The following ADA2 variants were observed in gnomAD, a reference collection of about 807,000 sequenced individuals.
The protein encoded by ADA2 is adenosine deaminase 2.
A neutral mutation model predicts 44.2 loss-of-function variants in ADA2; 29 were observed. The observed-to-expected ratio is 0.66, with a 90% CI of 0.49 to 0.89. The LOEUF is 0.89. Among genes scored for constraint, ADA2 ranks in the 40% least tolerant of loss-of-function variants. ADA2 has a pLI of 0.00. For missense variants in ADA2, 637 were observed against 644.8 expected, an observed-to-expected ratio of 0.99 and a Z score of 0.13; for synonymous variants, 215 against 234.9, an observed-to-expected ratio of 0.92 and a Z score of 0.77.
In ADA2 at chr22:17,190,025, C is replaced by G; in HGVS notation, c.889G>C (p.Asp297His). Residue 297 changes from aspartate to histidine, a missense_variant, in exon 6 of 10, where the codon GAT becomes CAT. Transcript: ENST00000399837. Reference sequence around the variant, plus strand: ...ATGGATTCTGCGATGACAGCCACATCTTTGGATCTGTGAGACAGACAGAGA... The same window carrying G: ...ATGGATTCTGCGATGACAGCCACATGTTTGGATCTGTGAGACAGACAGAGA... ...KIIYSDHRSKDVAVIAESIRM... is the reference protein window; with the variant it reads ...KIIYSDHRSKHVAVIAESIRM... 1 of 1,613,068 alleles carries G rather than the reference C, an allele frequency of 6.2e-7. No homozygotes were observed. The highest frequency in any genetic ancestry group is 8.5e-7 in the Non-Finnish European group (1 of 1,179,052).
Position 17,192,937 on chromosome 22 carries a change from T to C in ADA2, c.754-1127A>G, listed in dbSNP as rs2062139060. 5 of 582,908 alleles carry C rather than the reference T, an allele frequency of 8.6e-6. No individual in the cohort carries two copies. In the Admixed American group the frequency reaches 8.6e-5, roughly 10 times the overall value. 36.1% of individuals were successfully genotyped at this position (582,908 alleles called of 1,614,324 possible). ...CCCTCAGACCCCTTGTGAAGCCTGA[T>C]TGTCAAAAAGAGAACCAAAAAGTTC... On this transcript the variant is annotated intron_variant, in intron 4 of 9. Coordinates refer to ENST00000399837, the MANE Select transcript of ADA2 (RefSeq NM_001282225.2).
chr22:17,200,882 CAA>C (rs3078427), intron 4 of ADA2, among the ~76,000 whole-genome samples: 54 of 119,274 alleles, frequency 4.5e-4, no homozygotes, highest in Admixed American at 1.1e-3. Flanking sequence ...AACTCTGCCT[CAA>C]AAAAAAAAAA....
intron 4 of ADA2, chr22:17,199,399 G>C: frequency 4.6e-6 from 1 of 216,866 alleles, no homozygotes; most frequent in Non-Finnish European, 7.8e-6. Context: ...CAAGATGAAA[G>C]CCTCTGTCTC....
chr22:17,200,953 A>C (rs2062276310), intron 4 of ADA2, among the ~76,000 whole-genome samples: 1 of 151,548 alleles, frequency 6.6e-6, no homozygotes, highest in Non-Finnish European at 1.5e-5. Context: ...GAGAGTTGAG[A>C]CCCACAAACT....
chr22:17,196,104 T>TG (rs1024620712), intron 4 of ADA2, among the ~76,000 whole-genome samples: 6 of 149,976 alleles, frequency 4.0e-5, no homozygotes, highest in Non-Finnish European at 7.4e-5. Flanking sequence ...CCCAGCACTT[T>TG]GGGGGGCCAA....
upstream of ADA2, among the ~76,000 whole-genome samples, chr22:17,221,072 G>C (rs532915308): frequency 1.6e-4 from 24 of 152,180 alleles, no homozygotes; most frequent in South Asian, 5.0e-3. Context: ...GAACCCTGGA[G>C]GTGGAGGTTG....
rs933862526 is a variant in ADA2 at position 17,210,870 on chromosome 22, G to A, written c.-46-1147C>T. Among the ~76,000 whole-genome samples, 11 of 152,094 alleles carry A rather than the reference G, an allele frequency of 7.2e-5. No homozygotes were observed. In the East Asian group the frequency reaches 1.2e-3, roughly 16 times the overall value. ...CCCAAAGTGCTGGGACTACAGGCAT[G>A]AGCCAACATGTCCAGCCAGTGTTTT... On this transcript the variant is annotated intron_variant, in intron 1 of 9. Coordinates refer to ENST00000399837, the MANE Select transcript of ADA2 (RefSeq NM_001282225.2).
At chr22:17,207,403 G>A (rs907615652) in intron 2 of ADA2, 113 bp from the exon 3 acceptor site, 1 of 719,032 alleles carries the variant, frequency 1.4e-6, no homozygotes, top group Admixed American at 2.7e-5. Context: ...TGGGGCTGTG[G>A]GGACAAAGGG....
intron 3 of ADA2, among the ~76,000 whole-genome samples, chr22:17,203,974 G>A (rs2062323333): frequency 6.6e-6 from 1 of 152,030 alleles, no homozygotes; most frequent in South Asian, 2.1e-4. Flanking sequence ...GCAGCCCACT[G>A]CCTGCTTAAA....
At chr22:17,191,345 A>T (rs1390977315) in intron 5 of ADA2, among the ~76,000 whole-genome samples, 2 of 152,244 alleles carry the variant, frequency 1.3e-5, no homozygotes, top group Non-Finnish European at 2.9e-5. Flanking sequence ...AAACGGGCCA[A>T]TTATCCAAAC....
Position 17,182,725 on chromosome 22 carries a change from T to A in ADA2, c.1118A>T (p.Asp373Val), listed in dbSNP as rs375443506. 5.0e-6 allele frequency: 8 copies of A among 1,613,698 alleles called. No individual in the cohort carries two copies. The highest frequency in any genetic ancestry group is 1.3e-5 in the African/African-American group (1 of 74,878). ...QGTSIDRNIL[D>V]ALMLNTTRIG... ...TCTGGTAGTGTTCAGCATCAGAGCA[T>A]CCAGAATGTTCCTGTCTATGGAAGT... is the stretch of plus-strand genomic sequence containing the variant. The change falls in exon 8 of 10, where the codon GAT (aspartate) becomes GTT (valine). Residue 373 changes from aspartate (D) to valine (V), a missense_variant. Physicochemically the swap from Asp to Val is radical, Grantham distance 152. Transcript: ENST00000399837.
intron 5 of ADA2, among the ~76,000 whole-genome samples, chr22:17,190,365 G>A (rs1482900858): frequency 6.6e-6 from 1 of 152,174 alleles, no homozygotes; most frequent in East Asian, 1.9e-4. Flanking sequence ...AGCTCTCCCT[G>A]CATCTCTGTC....
chr22:17,189,356 G>A (rs2062085644), intron 6 of ADA2, among the ~76,000 whole-genome samples: 1 of 152,114 alleles, frequency 6.6e-6, no homozygotes, highest in Admixed American at 6.6e-5. Flanking sequence ...GAAATGTCCT[G>A]GTTGTGCTTC....
rs139290346 is a variant in ADA2 at position 17,209,598 on chromosome 22, G to T, written c.80C>A (p.Ala27Asp). ...LAVAMSFFGS[A>D]LSIDETRAHL... Reference sequence around the variant, plus strand: ...CGCCCGTGTTTCATCTATGGATAGAGCTGAGCCGAAGAAAGACATTGCCAC... The same window carrying T: ...CGCCCGTGTTTCATCTATGGATAGATCTGAGCCGAAGAAAGACATTGCCAC... Residue 27 changes from alanine (A) to aspartate (D), a missense_variant, in exon 2 of 10, where the codon GCT (alanine) becomes GAT (aspartate). Coordinates refer to ENST00000399837, the MANE Select transcript of ADA2 (RefSeq NM_001282225.2). 6 of 1,614,014 alleles carry T rather than the reference G, an allele frequency of 3.7e-6. No individual in the cohort carries two copies. In the African/African-American group the frequency reaches 8.0e-5, roughly 22 times the overall value.
At chr22:17,193,198 A>G (rs1399509345) in intron 4 of ADA2, 13 of 1,270,378 alleles carry the variant, frequency 1.0e-5, no homozygotes, top group Middle Eastern at 2.7e-4. Context: ...CTGTGCTGAC[A>G]TCGCTCACAA....
At chr22:17,204,791 C>T (rs2062334842) in intron 3 of ADA2, among the ~76,000 whole-genome samples, 1 of 114,688 alleles carries the variant, frequency 8.7e-6, no homozygotes, top group South Asian at 2.8e-4. Flanking sequence ...AAATCAATTC[C>T]TTCTTTTTTT....
At chr22:17,188,868 A>AAAAAAAAATATATATATATATATAT in intron 6 of ADA2, 9 of 81,180 alleles carry the variant, frequency 1.1e-4, no homozygotes, top group Non-Finnish European at 2.2e-4. Flanking sequence ...AAGAGCAAAA[A>AAAAAAAAATATATATATATATATAT]ATATATATAT....
upstream of ADA2, among the ~76,000 whole-genome samples, chr22:17,219,838 C>G (rs114499439): frequency 4.6e-3 from 703 of 152,056 alleles, 4 homozygotes; most frequent in African/African-American, 0.015. Flanking sequence ...CCATGCCCCA[C>G]TGATTTTTTG....
chr22:17,194,547 C>A (rs1010049432), intron 4 of ADA2, among the ~76,000 whole-genome samples: 1 of 152,174 alleles, frequency 6.6e-6, no homozygotes, highest in Non-Finnish European at 1.5e-5. Flanking sequence ...GTGAGGCTCT[C>A]CACTGGTCTT....
Sources: allele counts gnomAD v4.1 joint callset (sites outside exome capture counted in the v4.1 genomes callset), GRCh38; gene constraint gnomAD v4.1.1; transcripts MANE v1.5; gene names NCBI Gene and HGNC (gene_info 2026-07-23, HGNC 2026-07-21).